CBLB: variants seen among roughly 807,000 people sequenced by gnomAD.
CBLB encodes the protein Cbl proto-oncogene B, also known as E3 ubiquitin-protein ligase CBL-B.
CBLB carries 31 observed loss-of-function variants against 104.9 expected under a neutral mutation model. That is an observed-to-expected ratio of 0.30 (90% CI 0.22 to 0.40). CBLB has a LOEUF of 0.40. CBLB is among the 10% of genes least tolerant of loss of function. The probability of loss-of-function intolerance (pLI) is 1.00; values close to 1 mark genes in which losing one functional copy is unlikely to be tolerated. For missense variants in CBLB, 1,062 were observed against 1,214.6 expected (o/e 0.87, Z 1.87); for synonymous variants, 440 against 422.6 (o/e 1.04, Z -0.51).
chr3:105,860,090 G>A (rs1262797874), intron 2 of CBLB, among the ~76,000 whole-genome samples: 1 of 152,098 alleles, frequency 6.6e-6, no homozygotes, highest in African/African-American at 2.4e-5. Context: ...TGTGTATTCT[G>A]TTCACTCTCT....
At chr3:105,773,903 G>A (rs2079156545) in intron 4 of CBLB, among the ~76,000 whole-genome samples, 2 of 152,188 alleles carry the variant, frequency 1.3e-5, no homozygotes, top group Non-Finnish European at 2.9e-5. Flanking sequence ...TTCCCCTTGG[G>A]CCACAAGGCA....
chr3:105,700,640 A>C (rs1448061627), intron 12 of CBLB, among the ~76,000 whole-genome samples: 1 of 152,216 alleles, frequency 6.6e-6, no homozygotes, highest in African/African-American at 2.4e-5. Context: ...ATTTAGGTGA[A>C]CCTGAGGAAA....
At chr3:105,739,074 AT>A (rs1386954630) in intron 7 of CBLB, among the ~76,000 whole-genome samples, 2 of 151,882 alleles carry the variant, frequency 1.3e-5, no homozygotes, top group Non-Finnish European at 2.9e-5. Context: ...TGCCCAGCTA[AT>A]TTTTTTGCAT....
At chr3:105,761,953 A>C (rs2077684376) in intron 4 of CBLB, among the ~76,000 whole-genome samples, 1 of 152,134 alleles carries the variant, frequency 6.6e-6, no homozygotes, top group African/African-American at 2.4e-5. Flanking sequence ...GAGATGGGGA[A>C]CTTGTTGGGA....
intron 16 of CBLB, 144 bp downstream of exon 16, chr3:105,681,335 T>C: frequency 1.4e-6 from 1 of 734,148 alleles, no homozygotes; most frequent in Non-Finnish European, 2.3e-6. Context: ...AACTTGGGAG[T>C]CACCGGCACC....
intron 10 of CBLB, among the ~76,000 whole-genome samples, chr3:105,708,892 G>A (rs2070638592): frequency 6.6e-6 from 1 of 151,876 alleles, no homozygotes. Flanking sequence ...GGATTATTTT[G>A]ATGTAAAAGG....
At chr3:105,696,983 GCTTT>G (rs1402354963) in intron 12 of CBLB, among the ~76,000 whole-genome samples, 3 of 151,876 alleles carry the variant, frequency 2.0e-5, no homozygotes, top group Non-Finnish European at 4.4e-5. Context: ...CTTGCATGAA[GCTTT>G]CTTTATTCCT....
chr3:105,812,254 A>C (rs566058811), intron 3 of CBLB, among the ~76,000 whole-genome samples: 1 of 152,272 alleles, frequency 6.6e-6, no homozygotes, highest in South Asian at 2.1e-4. Flanking sequence ...TCTTAAACCT[A>C]AACACTCATC....
chr3:105,811,855 G>A (rs920369019), intron 3 of CBLB, among the ~76,000 whole-genome samples: 6 of 151,822 alleles, frequency 4.0e-5, no homozygotes, highest in African/African-American at 7.3e-5. Flanking sequence ...GATTACAGGC[G>A]CCTGCCACTG....
chr3:105,785,441 A>G (rs1452539422), intron 3 of CBLB, among the ~76,000 whole-genome samples: 2 of 152,108 alleles, frequency 1.3e-5, no homozygotes, highest in Non-Finnish European at 2.9e-5. Context: ...TTCTTCATGA[A>G]TGGTAAAACA....
Position 105,720,707 on chromosome 3 carries a change from A to C in CBLB, c.1204-457T>G, listed in dbSNP as rs895522924. On this transcript the variant is annotated intron_variant, in intron 9 of 18. Transcript: ENST00000394030. ...AGAAAAATACAATACTTGTGCATCT[A>C]ACTGTGGCTAAATATTTGTTTTAAC... 2.6e-5 allele frequency among the ~76,000 whole-genome samples: 4 copies of C among 152,216 alleles called. No homozygotes were observed. In the East Asian group the frequency reaches 5.8e-4, roughly 22 times the overall value.
intron 3 of CBLB, among the ~76,000 whole-genome samples, chr3:105,813,696 T>A (rs940102920): frequency 2.0e-5 from 3 of 152,186 alleles, no homozygotes; most frequent in African/African-American, 7.2e-5. Context: ...ATATATTTTT[T>A]GTGATGAAAG....
intron 2 of CBLB, among the ~76,000 whole-genome samples, chr3:105,862,109 T>C (rs947035578): frequency 6.6e-6 from 1 of 152,190 alleles, no homozygotes; most frequent in Admixed American, 6.5e-5. Flanking sequence ...CTCCCCAGAA[T>C]TCAATTATCT....
intron 4 of CBLB, among the ~76,000 whole-genome samples, chr3:105,752,664 G>T (rs4894947): frequency 0.99 from 150,252 of 152,336 alleles, 74,137 homozygotes; most frequent in East Asian, 1. Flanking sequence ...CTGGCCCCAT[G>T]CTATATCAAT....
At chr3:105,774,254 T>C (rs2079202107) in intron 4 of CBLB, among the ~76,000 whole-genome samples, 1 of 151,594 alleles carries the variant, frequency 6.6e-6, no homozygotes, top group Non-Finnish European at 1.5e-5. Context: ...TTTGGGAAAA[T>C]ACAAACAGTA....
chr3:105,868,248 GAA>G, intron 1 of CBLB: 4 of 1,226,780 alleles, frequency 3.3e-6, no homozygotes, highest in Non-Finnish European at 4.1e-6. Flanking sequence ...TTTGAAAAGA[GAA>G]AAGAGAAAAA....
intron 4 of CBLB, among the ~76,000 whole-genome samples, chr3:105,755,736 T>C (rs2077028885): frequency 6.6e-6 from 1 of 152,188 alleles, no homozygotes; most frequent in Non-Finnish European, 1.5e-5. Flanking sequence ...AGCCTATACA[T>C]TATGACTAAG....
At chr3:105,672,695 A>C (rs2065197789) in intron 17 of CBLB, 1 of 152,176 alleles carries the variant, frequency 6.6e-6, no homozygotes, top group African/African-American at 2.4e-5. Flanking sequence ...ACAGAGACTA[A>C]TCTGTTGTAA....
At chr3:105,738,909 G>A (rs893656600) in intron 7 of CBLB, among the ~76,000 whole-genome samples, 2 of 151,982 alleles carry the variant, frequency 1.3e-5, no homozygotes, top group African/African-American at 4.8e-5. Flanking sequence ...TGTGTGTGTT[G>A]GTATTATTAT....
Sources: gnomAD v4.1 joint callset for allele counts (sites outside exome capture counted in the v4.1 genomes callset) on GRCh38, gnomAD v4.1.1 for gene constraint, MANE v1.5 for transcripts, NCBI Gene and HGNC (gene_info 2026-07-23, HGNC 2026-07-21) for gene names.